FBN2: variants seen among roughly 807,000 people sequenced by gnomAD.
The protein encoded by FBN2 is fibrillin 2, also known as fibrillin-2.
FBN2 carries 105 observed loss-of-function variants against 355.6 expected under a neutral mutation model. That is an observed-to-expected ratio of 0.30 (90% CI 0.25 to 0.35). The LOEUF (loss-of-function observed/expected upper bound fraction) is 0.35, where lower values mean the gene tolerates loss of function less well. Among genes scored for constraint, FBN2 ranks in the 10% least tolerant of loss-of-function variants. The pLI is 1.00. For synonymous variants in FBN2, 1,350 were observed against 1,301.2 expected (o/e 1.04, Z -0.81); for missense variants, 3,280 against 3,758.7 (o/e 0.87, Z 3.33).
Position 128,277,993 on chromosome 5 carries a change from C to A in FBN2, c.7358G>T (p.Cys2453Phe). 1 of 1,614,028 alleles carries A rather than the reference C, an allele frequency of 6.2e-7. No homozygotes were observed. Among genetic ancestry groups the A allele is most frequent in the South Asian group, 1.1e-5 (1 of 91,086 alleles). The stretch of plus-strand genomic sequence containing the variant: ...GGTGCAGAGGTTTGGCATTACCTTA[C>A]ATTCATCAATATCTGTGGACCAAAA... Reference protein sequence around the residue: ...YTTDGRDIDECKVMPNLCTNG... With the variant: ...YTTDGRDIDEFKVMPNLCTNG... Residue 2453 changes from cysteine to phenylalanine, a missense_variant, in exon 58 of 65, where the codon TGT (cysteine) becomes TTT (phenylalanine). This residue lies in a region of FBN2 where 2,284 missense variants were observed against 2,749.5 expected (regional missense o/e 0.83). Transcript: ENST00000262464.
chr5:128,378,080 GA>G (rs375775820), intron 12 of FBN2, among the ~76,000 whole-genome samples: 2,283 of 135,154 alleles, frequency 0.017, 20 homozygotes, highest in Middle Eastern at 0.032. Context: ...AGTGGGAAAG[GA>G]AAAAAAAAAA....
chr5:128,452,502 T>G (rs1342689934), intron 6 of FBN2, among the ~76,000 whole-genome samples: 2 of 152,158 alleles, frequency 1.3e-5, no homozygotes, highest in African/African-American at 4.8e-5. Context: ...AAACTTATTT[T>G]ATTACATAAA....
chr5:128,491,883 T>C (rs1285408842), intron 5 of FBN2, among the ~76,000 whole-genome samples: 1 of 152,234 alleles, frequency 6.6e-6, no homozygotes, highest in Non-Finnish European at 1.5e-5. Context: ...AGAGGTACTT[T>C]TTTGAGCTAT....
intron 5 of FBN2, among the ~76,000 whole-genome samples, chr5:128,479,968 CTCTCTCTCTATA>C (rs1271501062): frequency 6.5e-4 from 19 of 29,224 alleles, no homozygotes; most frequent in East Asian, 1.1e-3. Context: ...CTCTCTCTCT[CTCTCTCTCTATA>C]TATATATATA....
intron 23 of FBN2, among the ~76,000 whole-genome samples, chr5:128,349,089 T>C (rs568229720): frequency 6.6e-5 from 10 of 152,348 alleles, no homozygotes; most frequent in African/African-American, 2.4e-4. Flanking sequence ...AGACTGAACC[T>C]GTCTAAATTA....
At chr5:128,285,492 C>T (rs990688219) in intron 55 of FBN2, among the ~76,000 whole-genome samples, 44 of 152,012 alleles carry the variant, frequency 2.9e-4, no homozygotes, top group African/African-American at 1.1e-3. Context: ...TGTTTAACAA[C>T]GAAAAGAATA....
chr5:128,355,287 A>C (rs1240417033), intron 20 of FBN2, among the ~76,000 whole-genome samples: 1 of 152,308 alleles, frequency 6.6e-6, no homozygotes, highest in African/African-American at 2.4e-5. Context: ...ACCCAAGCCA[A>C]AGATGAGGGA....
intron 8 of FBN2, among the ~76,000 whole-genome samples, chr5:128,396,958 T>C (rs770549431): frequency 5.9e-5 from 9 of 152,204 alleles, no homozygotes; most frequent in Admixed American, 1.3e-4. Context: ...AAGCACATTA[T>C]GTCCTCTAAT....
At chr5:128,537,075 G>A (rs1385082397) in intron 1 of FBN2, among the ~76,000 whole-genome samples, 1 of 152,074 alleles carries the variant, frequency 6.6e-6, no homozygotes, top group Non-Finnish European at 1.5e-5. Flanking sequence ...CCCGCAGCGC[G>A]AGCTCTGCAC....
chr5:128,291,782 C>T, intron 48 of FBN2, 128 bp from the exon 49 acceptor site: 1 of 965,260 alleles, frequency 1.0e-6, no homozygotes. Flanking sequence ...TTAACTTATT[C>T]ATAAAAATAA....
At chr5:128,476,508 A>G (rs1371729797) in intron 5 of FBN2, among the ~76,000 whole-genome samples, 1 of 152,124 alleles carries the variant, frequency 6.6e-6, no homozygotes, top group Non-Finnish European at 1.5e-5. Flanking sequence ...CCAAAAGGTA[A>G]TTCCAAAAGT....
rs1021120414 is a variant in FBN2, at chr5:128,335,862, G to A, written c.3724+126C>T. ...CAAGATCACACAATAACTGAGATCT[G>A]CCCCTAGTCTTACATTCATTTTTGG... On this transcript the variant is annotated intron_variant, in intron 28 of 64. Coordinates refer to ENST00000262464, the MANE Select transcript of FBN2 (RefSeq NM_001999.4). 55 of 999,892 alleles carry A rather than the reference G, an allele frequency of 5.5e-5. No individual in the cohort carries two copies. The African/African-American group carries it at 8.0e-4, about 15-fold the overall frequency. 61.9% of individuals were successfully genotyped at this position (999,892 alleles called of 1,614,324 possible).
rs114458941 is a variant in FBN2 at position 128,402,373 on chromosome 5, C to T, written c.1078+6301G>A. 7.9e-3 allele frequency among the ~76,000 whole-genome samples: 1,195 copies of T among 151,982 alleles called. 15 individuals carry two copies. Among genetic ancestry groups the T allele is most frequent in the African/African-American group, 0.027 (1,120 of 41,434 alleles). On this transcript the variant is annotated intron_variant, in intron 8 of 64. Coordinates refer to ENST00000262464, the MANE Select transcript of FBN2 (RefSeq NM_001999.4). ...CTATTCCTCTAATCATTTTCTATCG[C>T]CCTTACTACATTTCCTGAACAAGGC...
At chr5:128,534,209 T>G (rs1756787235) in intron 2 of FBN2, among the ~76,000 whole-genome samples, 1 of 152,214 alleles carries the variant, frequency 6.6e-6, no homozygotes, top group Non-Finnish European at 1.5e-5. Context: ...ATACTTTCTT[T>G]TGCTAAATGG....
chr5:128,279,629 ATTTC>A (rs1378324746), intron 56 of FBN2, among the ~76,000 whole-genome samples: 2 of 152,104 alleles, frequency 1.3e-5, no homozygotes, highest in Admixed American at 6.5e-5. Context: ...TAGCGCTCTT[ATTTC>A]TTTGTTTACC....
chr5:128,390,457 C>T (rs1752482705), intron 11 of FBN2, among the ~76,000 whole-genome samples: 2 of 152,008 alleles, frequency 1.3e-5, no homozygotes, highest in African/African-American at 4.8e-5. Flanking sequence ...GCAATGGCAC[C>T]AAACTGTCCT....
chr5:128,309,116 A>G (rs561277824), intron 41 of FBN2, 131 bp downstream of exon 41: 3 of 881,134 alleles, frequency 3.4e-6, no homozygotes, highest in Non-Finnish European at 3.7e-6. Context: ...AAACAGAACC[A>G]TATGATGCTC....
At position 128,344,453 on chromosome 5, in the gene FBN2, G is replaced by A. The variant is rs757054669; in HGVS notation, c.3275C>T (p.Thr1092Ile). The change falls in exon 25 of 65, where the codon ACA (threonine) becomes ATA (isoleucine). Residue 1092 changes from threonine to isoleucine, a missense_variant. Around this residue, in one of 6 missense-constraint regions of FBN2, gnomAD observed 2,284 missense variants for 2,749.5 expected, o/e 0.83. Coordinates refer to ENST00000262464, the MANE Select transcript of FBN2 (RefSeq NM_001999.4). ...GCAACGGCATTTGAAGCTTCCGATTGTATTTCTGCACTTCCCATAAGTGCA... is the reference window on the plus strand; with the variant it reads ...GCAACGGCATTTGAAGCTTCCGATTATATTTCTGCACTTCCCATAAGTGCA... ...GMCTYGKCRN[T>I]IGSFKCRCNS... The A allele has an allele frequency of 1.5e-5, 24 of 1,613,098 alleles. No homozygotes were observed. The highest frequency in any genetic ancestry group is 2.0e-5 in the Non-Finnish European group (24 of 1,179,260).
chr5:128,271,126 A>G (rs904497402), intron 62 of FBN2, among the ~76,000 whole-genome samples: 1 of 152,212 alleles, frequency 6.6e-6, no homozygotes, highest in African/African-American at 2.4e-5. Context: ...GAAGACCACA[A>G]AGGATAAAAT....
Sources: allele counts gnomAD v4.1 joint callset (sites outside exome capture counted in the v4.1 genomes callset), GRCh38; gene constraint gnomAD v4.1.1; regional missense constraint gnomAD v4.1.1; transcripts MANE v1.5; gene names NCBI Gene and HGNC (gene_info 2026-07-23, HGNC 2026-07-21).